The following GRM7 variants were observed in gnomAD, a reference collection of about 807,000 sequenced individuals.
GRM7 encodes metabotropic glutamate receptor 7.
In GRM7, 35 loss-of-function variants were observed where a neutral mutation model predicts 84.5. The ratio of observed to expected loss-of-function variants is 0.41; its 90% CI spans 0.32 to 0.55. GRM7 has a LOEUF of 0.55. Ranked by LOEUF, GRM7 falls within the 20% of genes least tolerant of loss-of-function variation. GRM7 has a pLI of 0.19. For synonymous variants in GRM7, 487 were observed against 455.1 expected (o/e 1.07, Z -0.89); for missense variants, 1,003 against 1,194.6 (o/e 0.84, Z 2.36).
chr3:7,164,346 G>A lies in GRM7; in HGVS notation c.736+17678G>A, dbSNP rs572848587. 5.3e-5 allele frequency among the ~76,000 whole-genome samples: 8 copies of A among 152,310 alleles called. No homozygotes were observed. In the East Asian group the frequency reaches 5.8e-4, roughly 11 times the overall value. On this transcript the variant is annotated intron_variant, in intron 2 of 9. Transcript: ENST00000357716. The stretch of plus-strand genomic sequence containing the variant: ...TGCACTCCAGCCTGGACGACAGAGC[G>A]AGGCTCCCTCTCAAAAAAATTAAAA...
At chr3:7,418,367 A>G (rs565900010) in intron 5 of GRM7, among the ~76,000 whole-genome samples, 1 of 152,184 alleles carries the variant, frequency 6.6e-6, no homozygotes, top group African/African-American at 2.4e-5. Flanking sequence ...TTCAGCAAGT[A>G]TGTGGTTGTC....
Position 7,306,616 on chromosome 3 carries a change from G to T in GRM7, c.997G>T (p.Ala333Ser). 3.1e-6 allele frequency: 5 copies of T among 1,611,966 alleles called. No individual in the cohort carries two copies. The highest frequency in any genetic ancestry group is 4.2e-6 in the Non-Finnish European group (5 of 1,178,944). ...CCAGCATGAAGATATCGCAGAAGGG[G>T]CCATCACCATTCAGCCCAAGCGAGC... ...LHQHEDIAEG[A>S]ITIQPKRATV... Residue 333 changes from alanine to serine, a missense_variant, in exon 4 of 10, where the codon GCC becomes TCC. By Grantham distance (99) the Ala-to-Ser change is moderately conservative (BLOSUM62 1). Around this residue, in one of 2 missense-constraint regions of GRM7, gnomAD observed 910 missense variants for 1,126.0 expected, o/e 0.81. Transcript: ENST00000357716.
chr3:7,519,882 AGGCT>A (rs1358738151), intron 7 of GRM7: 5 of 152,758 alleles, frequency 3.3e-5, no homozygotes, highest in African/African-American at 1.2e-4. Context: ...CTGGTAGTTG[AGGCT>A]GGCTGCTGGC....
intron 1 of GRM7, among the ~76,000 whole-genome samples, chr3:6,890,565 G>A (rs950772321): frequency 6.6e-6 from 1 of 152,160 alleles, no homozygotes; most frequent in African/African-American, 2.4e-5. Flanking sequence ...TTAATCCTGA[G>A]TTCTAGTTTG....
At chr3:7,357,823 A>G (rs917003432) in intron 4 of GRM7, among the ~76,000 whole-genome samples, 9 of 152,056 alleles carry the variant, frequency 5.9e-5, no homozygotes, top group African/African-American at 2.2e-4. Context: ...TCATGTCTTT[A>G]TCAAAAGTGG....
chr3:7,057,658 A>C (rs926387467), intron 1 of GRM7, among the ~76,000 whole-genome samples: 4 of 151,962 alleles, frequency 2.6e-5, no homozygotes, highest in African/African-American at 9.7e-5. Flanking sequence ...AGAATATCTT[A>C]ATGTTTGAGT....
At chr3:7,342,458 T>C (rs1048858845) in intron 4 of GRM7, among the ~76,000 whole-genome samples, 6 of 152,150 alleles carry the variant, frequency 3.9e-5, no homozygotes, top group Admixed American at 6.5e-5. Flanking sequence ...GCATCTAGAT[T>C]TGGCTTCAGA....
At chr3:7,190,320 A>C (rs1695669022) in intron 2 of GRM7, among the ~76,000 whole-genome samples, 1 of 152,096 alleles carries the variant, frequency 6.6e-6, no homozygotes, top group Non-Finnish European at 1.5e-5. Flanking sequence ...CCTTAAACTT[A>C]TCTGTTAGTT....
In GRM7 at chr3:7,028,115, CA is replaced by C. The variant is rs569125809; in HGVS notation, c.520-118336del. 3.9e-5 allele frequency among the ~76,000 whole-genome samples: 6 copies of C among 152,208 alleles called. No homozygotes were observed. In the East Asian group the frequency reaches 1.2e-3, roughly 29 times the overall value. On this transcript the variant is annotated intron_variant, in intron 1 of 9. Coordinates refer to ENST00000357716, the MANE Select transcript of GRM7 (RefSeq NM_000844.4). ...AGTGGAAGCTCCAGGATGGCAGGAA[CA>C]TTGTCTTTTTCACCAGTTTCCCAGT...
rs377287921 is a variant in GRM7, at chr3:7,490,527, C to A, written c.1515+28805C>A. Among the ~76,000 whole-genome samples, 3 of 152,116 alleles carry A rather than the reference C, an allele frequency of 2.0e-5. No individual in the cohort carries two copies. In the South Asian group the frequency reaches 6.2e-4, roughly 31 times the overall value. On this transcript the variant is annotated intron_variant, in intron 7 of 9. Transcript: ENST00000357716. ...TGGTTGCACTTGTGTTAGCCTGAAA[C>A]TATAATGTTGAAATATCACTTGTTG... is the stretch of plus-strand genomic sequence containing the variant.
At chr3:7,714,830 T>G (rs1308181578) in intron 9 of GRM7, among the ~76,000 whole-genome samples, 2 of 152,196 alleles carry the variant, frequency 1.3e-5, no homozygotes, top group Non-Finnish European at 2.9e-5. Flanking sequence ...GGTCTATTGG[T>G]GCAACAGTGT....
chr3:7,665,702 G>A (rs1179674794), intron 8 of GRM7, among the ~76,000 whole-genome samples: 1 of 152,082 alleles, frequency 6.6e-6, no homozygotes, highest in East Asian at 1.9e-4. Flanking sequence ...GAGTATCTGT[G>A]CAGTAGAGTG....
chr3:7,218,923 T>C (rs988477407), intron 2 of GRM7, among the ~76,000 whole-genome samples: 20 of 152,148 alleles, frequency 1.3e-4, no homozygotes, highest in African/African-American at 4.6e-4. Context: ...AATTTAAATA[T>C]GCATTTTTCA....
intron 4 of GRM7, among the ~76,000 whole-genome samples, chr3:7,380,230 G>A (rs1319539319): frequency 1.3e-5 from 2 of 152,132 alleles, no homozygotes; most frequent in African/African-American, 2.4e-5. Flanking sequence ...TGGTTTGAGT[G>A]ACCTAGTTTG....
intron 4 of GRM7, among the ~76,000 whole-genome samples, chr3:7,377,496 G>A (rs1292905031): frequency 6.6e-6 from 1 of 152,204 alleles, no homozygotes; most frequent in Non-Finnish European, 1.5e-5. Context: ...AGTGATGAGA[G>A]TGGTGGTGAT....
intron 2 of GRM7, among the ~76,000 whole-genome samples, chr3:7,283,556 T>A (rs941414049): frequency 3.3e-5 from 5 of 152,152 alleles, no homozygotes; most frequent in African/African-American, 1.2e-4. Context: ...GAAAGAATTA[T>A]AAGTTAAGAT....
intron 1 of GRM7, among the ~76,000 whole-genome samples, chr3:7,086,602 G>C (rs114561306): frequency 3.3e-5 from 5 of 152,178 alleles, no homozygotes; most frequent in Non-Finnish European, 7.3e-5. Flanking sequence ...ATGTTTGCCA[G>C]CCTCTAGAGC....
chr3:7,639,404 C>G (rs543473800), intron 8 of GRM7, among the ~76,000 whole-genome samples: 1 of 152,310 alleles, frequency 6.6e-6, no homozygotes, highest in East Asian at 1.9e-4. Context: ...GCCCTTCTAT[C>G]TCTCCCATTA....
At chr3:7,033,258 A>G (rs992152522) in intron 1 of GRM7, among the ~76,000 whole-genome samples, 2 of 152,134 alleles carry the variant, frequency 1.3e-5, no homozygotes, top group Non-Finnish European at 2.9e-5. Flanking sequence ...GTATAACCTC[A>G]TCATAACGGA....
Sources: gnomAD v4.1 joint callset for allele counts (sites outside exome capture counted in the v4.1 genomes callset) on GRCh38, gnomAD v4.1.1 for gene constraint, gnomAD v4.1.1 regional missense constraint, MANE v1.5 for transcripts, NCBI Gene and HGNC (gene_info 2026-07-23, HGNC 2026-07-21) for gene names.